STAG1: variants seen among roughly 807,000 people sequenced by gnomAD.
The protein encoded by STAG1 is cohesin subunit SA-1.
Under a neutral mutation model 170.9 loss-of-function variants are expected in STAG1, and 26 were observed. The ratio of observed to expected loss-of-function variants is 0.15; its 90% confidence interval spans 0.11 to 0.21. The LOEUF is 0.21. Ranked by LOEUF, STAG1 falls within the 10% of genes least tolerant of loss-of-function variation. The pLI, the probability that STAG1 is intolerant of heterozygous loss-of-function variation, is 1.00. For missense variants in STAG1, 964 were observed against 1,509.5 expected, an observed-to-expected ratio of 0.64 and a Z score of 5.99; for synonymous variants, 514 against 497.7, an observed-to-expected ratio of 1.03 and a Z score of -0.44.
intron 6 of STAG1, among the ~76,000 whole-genome samples, chr3:136,528,546 A>T (rs1271154580): frequency 7.9e-6 from 1 of 126,530 alleles, no homozygotes; most frequent in East Asian, 2.6e-4. Flanking sequence ...CAAATTATTT[A>T]TTCTAAAGAA....
intron 12 of STAG1, among the ~76,000 whole-genome samples, chr3:136,471,454 A>C (rs935773682): frequency 3.3e-5 from 5 of 152,172 alleles, no homozygotes; most frequent in Non-Finnish European, 7.4e-5. Flanking sequence ...AAAGAGGAGA[A>C]AATGACCCTA....
intron 29 of STAG1, chr3:136,348,937 C>A (rs1189529877): frequency 1.8e-6 from 1 of 545,634 alleles, no homozygotes; most frequent in Non-Finnish European, 3.3e-6. Flanking sequence ...CTCTTTTGGG[C>A]TGTCTTCCTT....
At chr3:136,417,693 C>T in intron 21 of STAG1, 192 bp downstream of exon 21, 1 of 459,402 alleles carries the variant, frequency 2.2e-6, no homozygotes, top group Non-Finnish European at 3.8e-6. Flanking sequence ...AAAGTTTTTT[C>T]TACTCTTAAC....
intron 4 of STAG1, among the ~76,000 whole-genome samples, chr3:136,584,740 G>A (rs1937723051): frequency 6.6e-6 from 1 of 152,214 alleles, no homozygotes; most frequent in South Asian, 2.1e-4. Context: ...GAAGGATGAA[G>A]TTTTAATATG....
intron 1 of STAG1, chr3:136,736,363 T>C (rs1934333764): frequency 1.4e-6 from 1 of 722,464 alleles, no homozygotes; most frequent in African/African-American, 1.8e-5. Flanking sequence ...GATATTAAAT[T>C]GTATTGAAAA....
At chr3:136,416,811 A>G (rs1169490665) in intron 21 of STAG1, among the ~76,000 whole-genome samples, 1 of 151,788 alleles carries the variant, frequency 6.6e-6, no homozygotes, top group African/African-American at 2.4e-5. Flanking sequence ...TGAATTAATC[A>G]CAGCAATAAT....
chr3:136,527,967 C>T (rs144443902), intron 6 of STAG1, among the ~76,000 whole-genome samples: 17 of 152,176 alleles, frequency 1.1e-4, no homozygotes, highest in South Asian at 2.1e-4. Context: ...GAGGGTTATC[C>T]GGCCGTATGA....
chr3:136,449,655 G>A (rs2088880703), intron 14 of STAG1, among the ~76,000 whole-genome samples: 1 of 151,770 alleles, frequency 6.6e-6, no homozygotes, highest in African/African-American at 2.4e-5. Flanking sequence ...AGCAAACACA[G>A]GAATACAGTA....
At chr3:136,716,252 T>C (rs546031739) in intron 1 of STAG1, among the ~76,000 whole-genome samples, 11 of 151,192 alleles carry the variant, frequency 7.3e-5, no homozygotes, top group Non-Finnish European at 1.3e-4. Flanking sequence ...AGGTCAGAAG[T>C]TCAAAACCAG....
At chr3:136,429,396 A>C (rs961567893) in intron 16 of STAG1, among the ~76,000 whole-genome samples, 2 of 152,158 alleles carry the variant, frequency 1.3e-5, no homozygotes, top group Admixed American at 1.3e-4. Flanking sequence ...GACAAGAGCG[A>C]AACTCTGTCT....
At chr3:136,675,235 C>T (rs573522136) in intron 1 of STAG1, among the ~76,000 whole-genome samples, 1 of 152,252 alleles carries the variant, frequency 6.6e-6, no homozygotes, top group South Asian at 2.1e-4. Context: ...TGGCATTGTC[C>T]AACCATTAAG....
intron 1 of STAG1, among the ~76,000 whole-genome samples, chr3:136,699,160 C>T (rs1405862732): frequency 6.6e-6 from 1 of 152,112 alleles, no homozygotes; most frequent in Non-Finnish European, 1.5e-5. Flanking sequence ...TCTCAGAAAT[C>T]ACCACCAAAG....
intron 4 of STAG1, among the ~76,000 whole-genome samples, chr3:136,580,267 C>T (rs1937562674): frequency 6.7e-6 from 1 of 149,140 alleles, no homozygotes; most frequent in Non-Finnish European, 1.5e-5. Context: ...GCGCCCGGCT[C>T]ATTTGATTTG....
At chr3:136,693,409 A>G (rs1576773204) in intron 1 of STAG1, among the ~76,000 whole-genome samples, 1 of 152,060 alleles carries the variant, frequency 6.6e-6, no homozygotes, top group Non-Finnish European at 1.5e-5. Flanking sequence ...ACTGGGAAAA[A>G]CCCCAATGTG....
In STAG1 at chr3:136,377,386, CAAA is replaced by C. The variant is rs57934830; in HGVS notation, c.2370+271_2370+273del. 4.2e-3 allele frequency among the ~76,000 whole-genome samples: 178 copies of C among 42,572 alleles called. 8 individuals are homozygous for C. Among genetic ancestry groups the C allele is most frequent in the African/African-American group, 0.02 (160 of 8,126 alleles). The allele number at this position is 42,572 out of a possible 152,430, so 27.9% of individuals were successfully genotyped here. A position where few individuals can be genotyped will look rare whatever the true frequency, so the allele number is the denominator to read the frequency against. On this transcript the variant is annotated intron_variant, in intron 23 of 33. Transcript: ENST00000383202. Reference sequence around the variant, plus strand: ...TGGGCGACAGAGCGAGACTCTGTCTCAAAAAAAAAAAAAAAAAAAGTCTACATT... The same window carrying C: ...TGGGCGACAGAGCGAGACTCTGTCTCAAAAAAAAAAAAAAAAGTCTACATT...
At chr3:136,347,124 G>A (rs1192077638) in intron 29 of STAG1, among the ~76,000 whole-genome samples, 2 of 150,426 alleles carry the variant, frequency 1.3e-5, no homozygotes, top group East Asian at 1.9e-4. Flanking sequence ...GCCAGGTGCA[G>A]TGGCTCATGT....
At chr3:136,433,797 G>T in intron 15 of STAG1, 138 bp from the exon 16 acceptor site, 2 of 613,008 alleles carry the variant, frequency 3.3e-6, no homozygotes, top group Non-Finnish European at 5.5e-6. Context: ...TCTGTACTTT[G>T]CTATTTTTTT....
intron 1 of STAG1, among the ~76,000 whole-genome samples, chr3:136,714,113 G>A (rs1943457355): frequency 1.3e-5 from 2 of 152,084 alleles, no homozygotes; most frequent in Admixed American, 1.3e-4. Context: ...AGGAGGTGGA[G>A]GCTGCCCAGA....
intron 4 of STAG1, among the ~76,000 whole-genome samples, chr3:136,573,964 C>T (rs756155991): frequency 1.5e-4 from 23 of 151,590 alleles, no homozygotes; most frequent in Non-Finnish European, 2.6e-4. Context: ...GAGTGAGACG[C>T]TGGGTGCAGT....
Sources: allele counts gnomAD v4.1 joint callset (sites outside exome capture counted in the v4.1 genomes callset), GRCh38; gene constraint gnomAD v4.1.1; transcripts MANE v1.5; gene names NCBI Gene and HGNC (gene_info 2026-07-23, HGNC 2026-07-21).